The following GLRA3 variants were observed in gnomAD, a reference collection of about 807,000 sequenced individuals.
GLRA3 encodes glycine receptor subunit alpha-3.
A neutral mutation model predicts 60.4 loss-of-function variants in GLRA3; 44 were observed. The observed-to-expected ratio is 0.73, with a 90% confidence interval of 0.57 to 0.94. The LOEUF (loss-of-function observed/expected upper bound fraction) is 0.94. Ranked by LOEUF, GLRA3 falls within the 40% of genes least tolerant of loss-of-function variation. The pLI, the probability that GLRA3 is intolerant of heterozygous loss-of-function variation, is 0.00. For missense variants in GLRA3, 508 were observed against 564.6 expected (o/e 0.90, Z 1.02); for synonymous variants, 223 against 192.9 (o/e 1.16, Z -1.29).
At chr4:174,687,987 A>G (rs1734614253) in intron 5 of GLRA3, among the ~76,000 whole-genome samples, 1 of 152,048 alleles carries the variant, frequency 6.6e-6, no homozygotes. Context: ...TGCCTTCAGA[A>G]GAAGGCAAAA....
rs79305280 is a variant in GLRA3 at position 174,756,448 on chromosome 4, C to T, written c.267+10515G>A. Among the ~76,000 whole-genome samples, 806 of 152,084 alleles carry T rather than the reference C, an allele frequency of 5.3e-3. 6 individuals are homozygous for T. The highest frequency in any genetic ancestry group is 0.018 in the African/African-American group (764 of 41,506). ...CAAGGAACGCAAGAAGGATTTACTA[C>T]TTGGAAATAAATCAATATAATTAAT... is the stretch of plus-strand genomic sequence containing the variant. On this transcript the variant is annotated intron_variant, in intron 3 of 9. Coordinates refer to ENST00000274093, the MANE Select transcript of GLRA3 (RefSeq NM_006529.4).
chr4:174,685,722 C>G (rs961787714), intron 5 of GLRA3, among the ~76,000 whole-genome samples: 1 of 151,664 alleles, frequency 6.6e-6, no homozygotes, highest in South Asian at 2.1e-4. Context: ...TTATAAATAC[C>G]ATTTTACCGA....
chr4:174,827,448 A>G (rs1290651852), intron 1 of GLRA3, among the ~76,000 whole-genome samples: 2 of 151,674 alleles, frequency 1.3e-5, no homozygotes, highest in African/African-American at 4.8e-5. Flanking sequence ...ATATAGAGAA[A>G]TAATCAATTT....
At chr4:174,754,588 G>A (rs1348875551) in intron 3 of GLRA3, among the ~76,000 whole-genome samples, 1 of 152,086 alleles carries the variant, frequency 6.6e-6, no homozygotes, top group Non-Finnish European at 1.5e-5. Flanking sequence ...AATAGCCACT[G>A]AATGCTATTA....
At chr4:174,776,445 T>G (rs1246567117) in intron 2 of GLRA3, among the ~76,000 whole-genome samples, 1 of 151,674 alleles carries the variant, frequency 6.6e-6, no homozygotes, top group Admixed American at 6.6e-5. Context: ...ACAATATAAA[T>G]AAACATAATT....
At chr4:174,720,135 T>C (rs963031050) in intron 4 of GLRA3, among the ~76,000 whole-genome samples, 2 of 152,162 alleles carry the variant, frequency 1.3e-5, no homozygotes, top group Non-Finnish European at 2.9e-5. Flanking sequence ...GTACTACGAG[T>C]AGAAAAGTTG....
intron 7 of GLRA3, among the ~76,000 whole-genome samples, chr4:174,661,694 T>C (rs112892781): frequency 2.6e-5 from 4 of 152,310 alleles, no homozygotes; most frequent in African/African-American, 9.6e-5. Flanking sequence ...TCTGGCAATC[T>C]GGCAGCATCC....
At chr4:174,667,411 A>T (rs1010580325) in intron 7 of GLRA3, among the ~76,000 whole-genome samples, 2 of 152,168 alleles carry the variant, frequency 1.3e-5, no homozygotes, top group African/African-American at 4.8e-5. Context: ...CTTGAATAGC[A>T]CATAAAGGCA....
chr4:174,642,820 A>T lies in GLRA3; in HGVS notation c.*966T>A, dbSNP rs1031183894. Reference sequence around the variant, plus strand: ...TTATTAAAAAATCTTCCATGAATCCATTTTGTTTTCATTGTATTCATTTTT... The same window carrying T: ...TTATTAAAAAATCTTCCATGAATCCTTTTTGTTTTCATTGTATTCATTTTT... On this transcript the variant is annotated 3_prime_UTR_variant, in exon 10 of 10. Transcript: ENST00000274093. 2 of 810,640 alleles carry T rather than the reference A, an allele frequency of 2.5e-6. No homozygotes were observed. The highest frequency in any genetic ancestry group is 3.7e-5 in the African/African-American group (2 of 53,666). 50.2% of individuals were successfully genotyped at this position (810,640 alleles called of 1,614,324 possible).
chr4:174,787,687 A>G (rs1739173345), intron 2 of GLRA3, among the ~76,000 whole-genome samples: 1 of 151,508 alleles, frequency 6.6e-6, no homozygotes, highest in African/African-American at 2.4e-5. Flanking sequence ...TTTCATTTGT[A>G]TATTGTACCC....
chr4:174,665,980 G>A (rs1733651585), intron 7 of GLRA3, among the ~76,000 whole-genome samples: 1 of 152,106 alleles, frequency 6.6e-6, no homozygotes, highest in Non-Finnish European at 1.5e-5. Flanking sequence ...TTAAAGATGA[G>A]GAAACAGTTG....
chr4:174,714,353 C>T (rs1579492973), intron 5 of GLRA3, among the ~76,000 whole-genome samples: 1 of 152,252 alleles, frequency 6.6e-6, no homozygotes, highest in South Asian at 2.1e-4. Context: ...TCTGCTGCTT[C>T]TCCCCATGTA....
At chr4:174,784,077 C>T (rs892720884) in intron 2 of GLRA3, among the ~76,000 whole-genome samples, 1 of 148,248 alleles carries the variant, frequency 6.7e-6, no homozygotes, top group African/African-American at 2.5e-5. Context: ...CCCAAATGTC[C>T]AACAATGATA....
Position 174,828,902 on chromosome 4 carries a change from G to A in GLRA3, c.-91C>T. ...GAATGAAAATGTACAATCTAACCCC[G>A]CATGGTGTTGGTGTAGACTGATGCT... On this transcript the variant is annotated 5_prime_UTR_variant, in exon 1 of 10. Coordinates refer to ENST00000274093, the MANE Select transcript of GLRA3 (RefSeq NM_006529.4). 4.5e-6 allele frequency: 4 copies of A among 896,282 alleles called. No homozygotes were observed. In the East Asian group the frequency reaches 7.3e-5, roughly 16 times the overall value. The allele number at this position is 896,282 out of a possible 1,614,324, so 55.5% of individuals were successfully genotyped here.
chr4:174,670,154 A>C (rs1733848304), intron 7 of GLRA3, among the ~76,000 whole-genome samples: 2 of 152,176 alleles, frequency 1.3e-5, no homozygotes, highest in Admixed American at 1.3e-4. Context: ...TCTTAGGTGC[A>C]TGCCGTTAGA....
intron 5 of GLRA3, among the ~76,000 whole-genome samples, chr4:174,683,281 T>C (rs1734425171): frequency 6.6e-6 from 1 of 152,208 alleles, no homozygotes; most frequent in Admixed American, 6.5e-5. Context: ...TTCCATCTGG[T>C]TTCTCCTTAC....
chr4:174,822,969 C>T (rs188422949), intron 1 of GLRA3, among the ~76,000 whole-genome samples: 2 of 152,246 alleles, frequency 1.3e-5, no homozygotes, highest in African/African-American at 4.8e-5. Context: ...ACCACTGTTT[C>T]CTCTTCTGAT....
chr4:174,821,820 A>C (rs1206065897), intron 1 of GLRA3, among the ~76,000 whole-genome samples: 2 of 152,182 alleles, frequency 1.3e-5, no homozygotes, highest in Non-Finnish European at 2.9e-5. Context: ...AGTAGTTAAT[A>C]TCTTCTAAGG....
chr4:174,740,023 G>T (rs567327802), intron 3 of GLRA3, among the ~76,000 whole-genome samples: 1 of 152,126 alleles, frequency 6.6e-6, no homozygotes, highest in African/African-American at 2.4e-5. Context: ...CTTTGTGTGG[G>T]ATAGAAAACC....
Sources: gnomAD v4.1 joint callset for allele counts (sites outside exome capture counted in the v4.1 genomes callset) on GRCh38, gnomAD v4.1.1 for gene constraint, MANE v1.5 for transcripts, NCBI Gene and HGNC (gene_info 2026-07-23, HGNC 2026-07-21) for gene names.